The following ATXN1 variants were observed in gnomAD, a reference collection of about 807,000 sequenced individuals.
ATXN1 encodes ataxin-1.
Under a neutral mutation model 56.4 loss-of-function variants are expected in ATXN1, and 8 were observed. That is an observed-to-expected ratio of 0.14 (90% confidence interval 0.08 to 0.26). The LOEUF is 0.26. Among genes scored for constraint, ATXN1 ranks in the 10% least tolerant of loss-of-function variants. The probability of loss-of-function intolerance (pLI) is 1.00; values close to 1 mark genes in which losing one functional copy is unlikely to be tolerated. For synonymous variants in ATXN1, 514 were observed against 494.6 expected (o/e 1.04, Z -0.52); for missense variants, 987 against 1,106.5 (o/e 0.89, Z 1.53).
intron 4 of ATXN1, among the ~76,000 whole-genome samples, chr6:16,563,703 G>A (rs1425998792): frequency 2.0e-5 from 3 of 152,126 alleles, no homozygotes; most frequent in Non-Finnish European, 4.4e-5. Flanking sequence ...TCTCTGGGAA[G>A]CTGAAATGAA....
chr6:16,434,409 T>C (rs949855338), intron 6 of ATXN1, among the ~76,000 whole-genome samples: 4 of 152,242 alleles, frequency 2.6e-5, no homozygotes, highest in East Asian at 1.9e-4. Flanking sequence ...ATCTGTGTTA[T>C]TGGGAAATGA....
chr6:16,598,468 A>C (rs1427299925), intron 3 of ATXN1, among the ~76,000 whole-genome samples: 1 of 152,236 alleles, frequency 6.6e-6, no homozygotes, highest in Non-Finnish European at 1.5e-5. Flanking sequence ...ACCACTTTCC[A>C]GCTCTGTCAC....
At chr6:16,721,815 T>C (rs13216386) in intron 2 of ATXN1, among the ~76,000 whole-genome samples, 30,048 of 152,142 alleles carry the variant, frequency 0.2, 3,559 homozygotes, top group South Asian at 0.26. Flanking sequence ...GATGTGCCTA[T>C]CTTTCAATTC....
chr6:16,405,281 C>G (rs190593710), intron 6 of ATXN1, among the ~76,000 whole-genome samples: 1 of 152,312 alleles, frequency 6.6e-6, no homozygotes, highest in Admixed American at 6.5e-5. Context: ...TATATCACAC[C>G]AATAAAAGCC....
intron 1 of ATXN1, chr6:16,754,065 C>T (rs1760810352): frequency 6.6e-6 from 1 of 152,076 alleles, no homozygotes; most frequent in South Asian, 2.1e-4. Context: ...GAGCTTGGTG[C>T]TTGTAGTAGT....
intron 4 of ATXN1, among the ~76,000 whole-genome samples, chr6:16,568,265 C>A (rs1762265807): frequency 6.6e-6 from 1 of 152,046 alleles, no homozygotes; most frequent in Non-Finnish European, 1.5e-5. Context: ...GAATGTTTCT[C>A]CAAACATAAA....
intron 4 of ATXN1, among the ~76,000 whole-genome samples, chr6:16,540,357 G>A (rs1016976973): frequency 1.2e-4 from 18 of 152,044 alleles, no homozygotes; most frequent in African/African-American, 3.6e-4. Context: ...GACTACAGGC[G>A]CGTGCCACCA....
At chr6:16,715,237 C>T (rs562725955) in intron 2 of ATXN1, among the ~76,000 whole-genome samples, 7 of 152,292 alleles carry the variant, frequency 4.6e-5, no homozygotes, top group Non-Finnish European at 1.0e-4. Flanking sequence ...TGGCCCCATG[C>T]TACATGCGTT....
chr6:16,595,192 G>T (rs2113774871), intron 3 of ATXN1, among the ~76,000 whole-genome samples: 1 of 152,304 alleles, frequency 6.6e-6, no homozygotes, highest in Middle Eastern at 3.4e-3. Context: ...CTGATTAGAT[G>T]GGGGGAAGGC....
At chr6:16,497,317 AG>A (rs1449023752) in intron 5 of ATXN1, among the ~76,000 whole-genome samples, 22 of 149,524 alleles carry the variant, frequency 1.5e-4, no homozygotes, top group Non-Finnish European at 2.7e-4. Flanking sequence ...TGATGTAAAA[AG>A]AAAAAAAAAA....
chr6:16,600,763 A>G (rs547057723), intron 3 of ATXN1, among the ~76,000 whole-genome samples: 2 of 152,352 alleles, frequency 1.3e-5, no homozygotes, highest in Non-Finnish European at 2.9e-5. Flanking sequence ...CAGCCTCAAA[A>G]TACTTTACAA....
At chr6:16,719,472 T>G (rs1759704141) in intron 2 of ATXN1, among the ~76,000 whole-genome samples, 1 of 152,188 alleles carries the variant, frequency 6.6e-6, no homozygotes, top group African/African-American at 2.4e-5. Flanking sequence ...AAGATGGCTT[T>G]AAGAAAAAGC....
chr6:16,622,354 A>C (rs1764222500), intron 3 of ATXN1, among the ~76,000 whole-genome samples: 1 of 152,188 alleles, frequency 6.6e-6, no homozygotes, highest in South Asian at 2.1e-4. Flanking sequence ...GATGGTGATG[A>C]TGATGATGAC....
At chr6:16,512,917 T>G (rs1430966667) in intron 5 of ATXN1, among the ~76,000 whole-genome samples, 1 of 152,232 alleles carries the variant, frequency 6.6e-6, no homozygotes, top group African/African-American at 2.4e-5. Flanking sequence ...GTGTCCTTCT[T>G]GCACTCACGT....
chr6:16,326,995 C>G lies in ATXN1; in HGVS notation c.1316G>C (p.Ser439Thr). The change falls in exon 7 of 8, where the codon AGT (serine) becomes ACT (threonine). Residue 439 changes from serine (S) to threonine (T), a missense_variant. This residue lies in a region of ATXN1 where 723 missense variants were observed against 791.7 expected (regional missense o/e 0.91). Transcript: ENST00000436367. The surrounding 1 kb of genome is among the most constrained non-coding windows in gnomAD (Gnocchi z 6.6). ...SPHTVIQTTH[S>T]ASEPLPVGLP... ...TCCCACCGGGAGTGGCTCTGAAGCA[C>G]TGTGTGTGGTCTGAATGACCGTGTG... 1 of 1,614,166 alleles carries G rather than the reference C, an allele frequency of 6.2e-7. No homozygotes were observed. The highest frequency in any genetic ancestry group is 8.5e-7 in the Non-Finnish European group (1 of 1,180,034).
intron 2 of ATXN1, chr6:16,737,796 T>C (rs1760189449): frequency 6.6e-6 from 1 of 152,118 alleles, no homozygotes; most frequent in Non-Finnish European, 1.5e-5. Context: ...GTATAAACAA[T>C]GAACAGGTTG....
intron 3 of ATXN1, among the ~76,000 whole-genome samples, chr6:16,607,450 T>A (rs1763031726): frequency 6.6e-6 from 1 of 152,272 alleles, no homozygotes; most frequent in South Asian, 2.1e-4. Flanking sequence ...ACTTAATTGA[T>A]ATTGCGCTGC....
At chr6:16,716,831 T>G (rs2113463452) in intron 2 of ATXN1, among the ~76,000 whole-genome samples, 1 of 152,332 alleles carries the variant, frequency 6.6e-6, no homozygotes, top group East Asian at 1.9e-4. Context: ...GACCATAGTT[T>G]GCCTACTCCT....
chr6:16,618,496 C>T (rs1487048170), intron 3 of ATXN1, among the ~76,000 whole-genome samples: 2 of 152,080 alleles, frequency 1.3e-5, no homozygotes, highest in Non-Finnish European at 2.9e-5. Flanking sequence ...TTTGGGAGGC[C>T]GAGGCAGATG....
Sources: gnomAD v4.1 joint callset for allele counts (sites outside exome capture counted in the v4.1 genomes callset) on GRCh38, gnomAD v4.1.1 for gene constraint, gnomAD v4.1.1 regional missense constraint, Gnocchi (gnomAD v3.1) non-coding constraint, MANE v1.5 for transcripts, NCBI Gene and HGNC (gene_info 2026-07-23, HGNC 2026-07-21) for gene names.